Variants in ARHGEF1 observed in about 807,000 individuals in gnomAD.
The protein encoded by ARHGEF1 is Rho guanine nucleotide exchange factor 1.
A neutral mutation model predicts 119.7 loss-of-function variants in ARHGEF1; 40 were observed. The observed-to-expected ratio is 0.33, with a 90% CI of 0.26 to 0.44. The LOEUF is 0.44. ARHGEF1 is among the 20% of genes least tolerant of loss of function. The pLI is 1.00. For missense variants in ARHGEF1, 976 were observed against 1,268.3 expected (o/e 0.77, Z 3.50); for synonymous variants, 494 against 521.0 (o/e 0.95, Z 0.71).
At chr19:41,928,155 G>A (rs2074883231) in intron 1 of ARHGEF1, 1 of 151,868 alleles carries the variant, frequency 6.6e-6, no homozygotes, top group Admixed American at 6.6e-5. Flanking sequence ...GGGCGGGGTG[G>A]GGGGAGATGC....
chr19:41,910,959 C>T (rs1555851192), downstream of ARHGEF1, among the ~76,000 whole-genome samples: 1 of 152,290 alleles, frequency 6.6e-6, no homozygotes, highest in African/African-American at 2.4e-5. This position sits in a 1 kb window ranked among gnomAD's most constrained non-coding sequence, Gnocchi z 4.4. Flanking sequence ...AAGACTGGGA[C>T]TTACTAACAA....
intron 1 of ARHGEF1, among the ~76,000 whole-genome samples, chr19:41,925,925 G>A (rs1443744121): frequency 6.6e-6 from 1 of 152,028 alleles, no homozygotes; most frequent in East Asian, 1.9e-4. Flanking sequence ...CCTTACCTGA[G>A]GGGACAGGTT....
downstream of ARHGEF1, chr19:41,908,279 A>C (rs1410282590): frequency 2.4e-6 from 3 of 1,231,320 alleles, no homozygotes; most frequent in Middle Eastern, 3.1e-4. The surrounding 1 kb of genome is among the most constrained non-coding windows in gnomAD (Gnocchi z 6.7). Flanking sequence ...GTGCCGGGAG[A>C]CCCTCATCGC....
rs782355120 is a variant in ARHGEF1 at position 41,906,758 on chromosome 19, A to C, written c.2711A>C (p.Asn904Thr). 1 of 1,610,518 alleles carries C rather than the reference A, an allele frequency of 6.2e-7. No homozygotes were observed. The highest frequency in any genetic ancestry group is 8.5e-7 in the Non-Finnish European group (1 of 1,178,642). ...LRPLLSQLGG[N>T]SVPQPGCT Reference sequence around the variant, plus strand: ...CCCCTCCTGTCTCAGCTTGGGGGGAACTCTGTCCCCCAGCCTGGCTGCACT... The same window carrying C: ...CCCCTCCTGTCTCAGCTTGGGGGGACCTCTGTCCCCCAGCCTGGCTGCACT... The change falls in exon 28 of 29, where the codon AAC (asparagine) becomes ACC (threonine). Residue 904 changes from asparagine (N) to threonine (T), a missense_variant. Asn to Thr is a moderately conservative substitution (Grantham distance 65). Coordinates refer to ENST00000354532, the MANE Select transcript of ARHGEF1 (RefSeq NM_004706.4). The surrounding 1 kb of genome is among the most constrained non-coding windows in gnomAD (Gnocchi z 4.5).
rs1025676779 is a variant in ARHGEF1 at position 41,904,068 on chromosome 19, G to C, written c.1951G>C (p.Glu651Gln). Residue 651 changes from glutamate to glutamine, a missense_variant, in exon 21 of 29, where the codon GAG (glutamate) becomes CAG (glutamine). Coordinates refer to ENST00000354532, the MANE Select transcript of ARHGEF1 (RefSeq NM_004706.4). The surrounding 1 kb of genome is among the most constrained non-coding windows in gnomAD (Gnocchi z 8.4). ...LDITKKKLVH[E>Q]GPLTWRVTKD... is the part of the protein sequence containing the mutation. ...CATCACCAAGAAGAAATTGGTCCAC[G>C]AGGGCCCACTGACGTGGCGGGTGAC... 2 of 1,614,038 alleles carry C rather than the reference G, an allele frequency of 1.2e-6. No individual in the cohort carries two copies. The highest frequency in any genetic ancestry group is 1.7e-6 in the Non-Finnish European group (2 of 1,180,016).
chr19:41,891,315 C>T (rs150152129), intron 4 of ARHGEF1, among the ~76,000 whole-genome samples: 32 of 152,250 alleles, frequency 2.1e-4, no homozygotes, highest in African/African-American at 7.0e-4. Flanking sequence ...CAGTCTCGCT[C>T]TGTGTCACCC....
chr19:41,925,479 G>A lies in ARHGEF1; in HGVS notation c.140+2246G>A, dbSNP rs78306598. Reference sequence around the variant, plus strand: ...TATAGTGAGAGACAGTGAGAGACCAGGAGAGGCAAAGACAGTGCAAGAAGG... The same window carrying A: ...TATAGTGAGAGACAGTGAGAGACCAAGAGAGGCAAAGACAGTGCAAGAAGG... On this transcript the variant is annotated intron_variant, in intron 1 of 2. Transcript: ENST00000594417. Among the ~76,000 whole-genome samples the A allele has an allele frequency of 3.9e-5, 6 of 152,250 alleles. No homozygotes were observed. In the East Asian group the frequency reaches 1.2e-3, roughly 29 times the overall value.
chr19:41,892,793 C>G lies in ARHGEF1; in HGVS notation c.558C>G (p.Tyr186Ter). The change falls in exon 7 of 29, where the codon TAC becomes TAG. Residue 186 changes from tyrosine to a stop codon, truncating the protein, a stop_gained. Transcript: ENST00000354532. LOFTEE classifies it high-confidence loss of function. This position sits in a 1 kb window ranked among gnomAD's most constrained non-coding sequence, Gnocchi z 6.3. The part of the protein sequence containing the change: ...EAWVGRDRAS[Y>*]EARERHVAER... ...GGGTTGGGCGGGACCGAGCCAGCTA[C>G]GAGGCCCGGGAGCGGCACGTGGCGG... 6.3e-7 allele frequency: 1 copy of G among 1,598,088 alleles called. No individual in the cohort carries two copies. The highest frequency in any genetic ancestry group is 8.5e-7 in the Non-Finnish European group (1 of 1,174,838).
At chr19:41,913,770 G>A (rs1599673331) in intron 18 of ARHGEF1, among the ~76,000 whole-genome samples, 1 of 83,272 alleles carries the variant, frequency 1.2e-5, no homozygotes. Context: ...CAGTCTCCCC[G>A]CACCTTTCCC....
chr19:41,906,734 C>T lies in ARHGEF1; in HGVS notation c.2687C>T (p.Pro896Leu), dbSNP rs1555850320. The T allele has an allele frequency of 1.9e-6, 3 of 1,611,240 alleles. No individual in the cohort carries two copies. Among genetic ancestry groups the T allele is most frequent in the Middle Eastern group, 1.6e-4 (1 of 6,072 alleles). ...GAGGAGGAATTTTGCCGCCTGAGAC[C>T]CCTCCTGTCTCAGCTTGGGGGGAAC... Reference protein sequence around the residue: ...ELEEEFCRLRPLLSQLGGNSV... With the variant: ...ELEEEFCRLRLLLSQLGGNSV... Residue 896 changes from proline (P) to leucine (L), a missense_variant, in exon 28 of 29, where the codon CCC becomes CTC. Transcript: ENST00000354532. This position sits in a 1 kb window ranked among gnomAD's most constrained non-coding sequence, Gnocchi z 4.5.
chr19:41,904,878 G>A lies in ARHGEF1; in HGVS notation c.2162-71G>A. 1 of 1,353,930 alleles carries A rather than the reference G, an allele frequency of 7.4e-7. No homozygotes were observed. Among genetic ancestry groups the A allele is most frequent in the East Asian group, 2.3e-5 (1 of 43,604 alleles). The allele number at this position is 1,353,930 out of a possible 1,614,324, so 83.9% of individuals were successfully genotyped here. ...GCCACCACTGTGGGTGACTTCTCCA[G>A]CTTGTGCTTAGGGAGGGGCAGGCAC... On this transcript the variant is annotated intron_variant, in intron 22 of 28. Coordinates refer to ENST00000354532, the MANE Select transcript of ARHGEF1 (RefSeq NM_004706.4). This position sits in a 1 kb window ranked among gnomAD's most constrained non-coding sequence, Gnocchi z 8.4.
rs782284623 is a variant in ARHGEF1 at position 41,888,065 on chromosome 19, C to T, written c.-18C>T. 3 of 1,612,448 alleles carry T rather than the reference C, an allele frequency of 1.9e-6. No homozygotes were observed. The highest frequency in any genetic ancestry group is 2.2e-5 in the South Asian group (2 of 90,932). Reference sequence around the variant, plus strand: ...CCACAGCCCCTCCTCTTCCTCCAGCCCTGCAGAGCCCAGGGAGATGGAAGA... The same window carrying T: ...CCACAGCCCCTCCTCTTCCTCCAGCTCTGCAGAGCCCAGGGAGATGGAAGA... On this transcript the variant is annotated splice_region_variant and 5_prime_UTR_variant, in exon 2 of 29. Transcript: ENST00000354532. This position sits in a 1 kb window ranked among gnomAD's most constrained non-coding sequence, Gnocchi z 5.1.
chr19:41,908,637 G>A, downstream of ARHGEF1: 1 of 1,231,714 alleles, frequency 8.1e-7, no homozygotes, highest in Non-Finnish European at 1.0e-6. The surrounding 1 kb of genome is among the most constrained non-coding windows in gnomAD (Gnocchi z 6.7). Context: ...GCGGCCATAA[G>A]GACCCAGCAG....
chr19:41,896,245 T>C (rs1208786523), intron 12 of ARHGEF1, 132 bp from the exon 13 acceptor site: 3 of 463,286 alleles, frequency 6.5e-6, no homozygotes, highest in Non-Finnish European at 1.2e-5. Flanking sequence ...CGTCCCGTGC[T>C]GAAGTACAGA....
rs782282800 is a variant in ARHGEF1, at chr19:41,892,807, G to T, written c.572G>T (p.Arg191Leu). The change falls in exon 7 of 29, where the codon CGG becomes CTG. Residue 191 changes from arginine (R) to leucine (L), a missense_variant. By Grantham distance (102) the Arg-to-Leu change is moderately radical. Around this residue, in one of 3 missense-constraint regions of ARHGEF1, gnomAD observed 519 missense variants for 580.9 expected, o/e 0.89. Transcript: ENST00000354532. This position sits in a 1 kb window ranked among gnomAD's most constrained non-coding sequence, Gnocchi z 6.3. ...RDRASYEARE[R>L]HVAERLLMHL... ...CGAGCCAGCTACGAGGCCCGGGAGC[G>T]GCACGTGGCGGAGCGGCTGCTCATG... 5 of 1,588,704 alleles carry T rather than the reference G, an allele frequency of 3.1e-6. No individual in the cohort carries two copies. The highest frequency in any genetic ancestry group is 4.3e-6 in the Non-Finnish European group (5 of 1,170,786).
upstream of ARHGEF1, among the ~76,000 whole-genome samples, chr19:41,919,889 G>A (rs1037842759): frequency 6.6e-6 from 1 of 152,036 alleles, no homozygotes; most frequent in Non-Finnish European, 1.5e-5. Context: ...CACACCAGAC[G>A]CAGCTGAGCA....
upstream of ARHGEF1, among the ~76,000 whole-genome samples, chr19:41,918,353 T>C (rs1179291367): frequency 7.1e-6 from 1 of 140,282 alleles, no homozygotes. Context: ...ACATACACCA[T>C]ACACACACCA....
chr19:41,887,391 T>A (rs1267352446), intron 1 of ARHGEF1, among the ~76,000 whole-genome samples: 1 of 152,060 alleles, frequency 6.6e-6, no homozygotes, highest in Non-Finnish European at 1.5e-5. Flanking sequence ...GGAGATGGGC[T>A]GTCTGAGGCC....
At chr19:41,885,050 G>GC (rs1555845014) in intron 1 of ARHGEF1, among the ~76,000 whole-genome samples, 1 of 151,650 alleles carries the variant, frequency 6.6e-6, no homozygotes, top group African/African-American at 2.4e-5. Flanking sequence ...CACCCATGTG[G>GC]CCCCCCAACC....
Sources: gnomAD v4.1 joint callset for allele counts (sites outside exome capture counted in the v4.1 genomes callset) on GRCh38, gnomAD v4.1.1 for gene constraint, gnomAD v4.1.1 regional missense constraint, Gnocchi (gnomAD v3.1) non-coding constraint, MANE v1.5 for transcripts, NCBI Gene and HGNC (gene_info 2026-07-23, HGNC 2026-07-21) for gene names.